PRKN: variants seen among roughly 807,000 people sequenced by gnomAD.
The protein encoded by PRKN is parkin RBR E3 ubiquitin protein ligase.
PRKN carries 56 observed loss-of-function variants against 59.5 expected under a neutral mutation model. That is an observed-to-expected ratio of 0.94 (90% CI 0.76 to 1.18). The LOEUF is 1.18. PRKN is among the 50% of genes most tolerant of loss of function. The probability of loss-of-function intolerance (pLI) is 0.00; values close to 1 mark genes in which losing one functional copy is unlikely to be tolerated. For synonymous variants in PRKN, 250 were observed against 222.1 expected, an observed-to-expected ratio of 1.13 and a Z score of -1.12; for missense variants, 657 against 596.4, an observed-to-expected ratio of 1.10 and a Z score of -1.06.
Position 161,459,945 on chromosome 6 carries a change from T to TA in PRKN, c.1084-73069dup, listed in dbSNP as rs60611124. On this transcript the variant is annotated intron_variant, in intron 9 of 11. Coordinates refer to ENST00000366898, the MANE Select transcript of PRKN (RefSeq NM_004562.3). The surrounding 1 kb of genome is among the most constrained non-coding windows in gnomAD (Gnocchi z 4.8). The stretch of plus-strand genomic sequence containing the variant: ...TAAGAAAATGGCTGTTGATATTTTG[T>TA]AAAAAAAAAAATCTATTTATCCATC... 0.016 allele frequency among the ~76,000 whole-genome samples: 2,400 copies of TA among 148,824 alleles called. 68 individuals carry two copies. The highest frequency in any genetic ancestry group is 0.054 in the African/African-American group (2,207 of 40,830).
chr6:162,391,599 T>C (rs569459880), intron 2 of PRKN, among the ~76,000 whole-genome samples: 2 of 152,258 alleles, frequency 1.3e-5, no homozygotes, highest in East Asian at 3.9e-4. Flanking sequence ...ATTTCGAACA[T>C]CTGCAATGAC....
intron 4 of PRKN, among the ~76,000 whole-genome samples, chr6:162,189,904 C>T (rs1266351857): frequency 8.6e-5 from 13 of 151,982 alleles, no homozygotes; most frequent in Admixed American, 8.5e-4. Context: ...CTACTGCTAG[C>T]TTTAAATTAT....
At chr6:162,529,160 C>A (rs1778406375) in intron 1 of PRKN, among the ~76,000 whole-genome samples, 1 of 152,154 alleles carries the variant, frequency 6.6e-6, no homozygotes, top group Non-Finnish European at 1.5e-5. Flanking sequence ...TGGCATGAGC[C>A]ACTGTGCCGG....
intron 6 of PRKN, among the ~76,000 whole-genome samples, chr6:161,832,954 C>G (rs996334027): frequency 6.6e-6 from 1 of 152,020 alleles, no homozygotes; most frequent in African/African-American, 2.4e-5. Context: ...GTGAGTGTCC[C>G]CCCATCCCCG....
intron 1 of PRKN, among the ~76,000 whole-genome samples, chr6:162,591,222 T>A (rs1781292962): frequency 6.7e-6 from 1 of 149,486 alleles, no homozygotes. Context: ...AATGATACTT[T>A]CTTTTTTTTT....
At chr6:161,751,555 T>A (rs904482974) in intron 7 of PRKN, among the ~76,000 whole-genome samples, 1 of 152,196 alleles carries the variant, frequency 6.6e-6, no homozygotes, top group Non-Finnish European at 1.5e-5. Context: ...AATTACACAA[T>A]CATAAAGTAA....
Position 161,549,672 on chromosome 6 carries a change from C to T in PRKN, c.934-669G>A, listed in dbSNP as rs978979209. 8.5e-5 allele frequency among the ~76,000 whole-genome samples: 13 copies of T among 152,178 alleles called. No homozygotes were observed. Among genetic ancestry groups the T allele is most frequent in the African/African-American group, 2.7e-4 (11 of 41,434 alleles). On this transcript the variant is annotated intron_variant, in intron 8 of 11. Transcript: ENST00000366898. This position sits in a 1 kb window ranked among gnomAD's most constrained non-coding sequence, Gnocchi z 6.0. ...GTTTCCCCAGCCTGCAAATAAATTC[C>T]AAACTCCATCAGACCATTTTCAAGG...
intron 7 of PRKN, among the ~76,000 whole-genome samples, chr6:161,763,720 T>A (rs1339315474): frequency 6.6e-6 from 1 of 152,114 alleles, no homozygotes; most frequent in African/African-American, 2.4e-5. Flanking sequence ...ATCACCCATA[T>A]TAAATTGATT....
intron 5 of PRKN, among the ~76,000 whole-genome samples, chr6:162,002,414 C>T (rs1782093524): frequency 6.6e-6 from 1 of 152,090 alleles, no homozygotes; most frequent in Admixed American, 6.6e-5. Context: ...ATTTCAGCTA[C>T]ATTATCAGAT....
chr6:162,192,965 T>TG (rs1281934194), intron 4 of PRKN, among the ~76,000 whole-genome samples: 1 of 152,140 alleles, frequency 6.6e-6, no homozygotes, highest in Non-Finnish European at 1.5e-5. Context: ...TTGGGGAACT[T>TG]GCGTCTGCAA....
At chr6:161,524,488 G>A (rs1418776699) in intron 9 of PRKN, among the ~76,000 whole-genome samples, 1 of 152,118 alleles carries the variant, frequency 6.6e-6, no homozygotes, top group Non-Finnish European at 1.5e-5. Context: ...TAGAACTACG[G>A]CTGCATGCCC....
At position 161,406,893 on chromosome 6, in the gene PRKN, T is replaced by G. The variant is rs927142469; in HGVS notation, c.1084-20016A>C. ...GCACCATCATTGATGGACTTGGAAA[T>G]GCAGACAGAACTGAAGAGGAGCGTC... is the stretch of plus-strand genomic sequence containing the variant. On this transcript the variant is annotated intron_variant, in intron 9 of 11. Coordinates refer to ENST00000366898, the MANE Select transcript of PRKN (RefSeq NM_004562.3). Among the ~76,000 whole-genome samples the G allele has an allele frequency of 2.0e-5, 3 of 152,144 alleles. No homozygotes were observed. In the East Asian group the frequency reaches 5.8e-4, roughly 29 times the overall value.
intron 7 of PRKN, among the ~76,000 whole-genome samples, chr6:161,750,857 A>G (rs1788662370): frequency 6.6e-6 from 1 of 152,082 alleles, no homozygotes; most frequent in South Asian, 2.1e-4. Flanking sequence ...TCATAGAGCA[A>G]GCAGATAAGG....
chr6:162,040,897 G>A (rs1180526810), intron 5 of PRKN, among the ~76,000 whole-genome samples: 1 of 151,794 alleles, frequency 6.6e-6, no homozygotes, highest in Non-Finnish European at 1.5e-5. Context: ...GGGCAGGAGG[G>A]AAAGTCATGC....
Position 161,544,294 on chromosome 6 carries a change from T to C in PRKN, c.1083+4560A>G, listed in dbSNP as rs1304347301. ...TGGATCCCTGAACATAGTGTTATTTTGGTTTTCTGAATTATATACTATGTG... is the reference window on the plus strand; with the variant it reads ...TGGATCCCTGAACATAGTGTTATTTCGGTTTTCTGAATTATATACTATGTG... On this transcript the variant is annotated intron_variant, in intron 9 of 11. Transcript: ENST00000366898. The surrounding 1 kb of genome is among the most constrained non-coding windows in gnomAD (Gnocchi z 5.5). Among the ~76,000 whole-genome samples the C allele has an allele frequency of 6.6e-6, 1 of 152,216 alleles. No individual in the cohort carries two copies. Among genetic ancestry groups the C allele is most frequent in the Admixed American group, 6.5e-5 (1 of 15,276 alleles).
Position 161,578,733 on chromosome 6 carries a change from C to T in PRKN, c.872-9317G>A, listed in dbSNP as rs1293416680. On this transcript the variant is annotated intron_variant, in intron 7 of 11. Coordinates refer to ENST00000366898, the MANE Select transcript of PRKN (RefSeq NM_004562.3). This position sits in a 1 kb window ranked among gnomAD's most constrained non-coding sequence, Gnocchi z 4.2. ...TCAGCGCTGCTCTGCAATAGATTTT[C>T]TGTGGTCATTTGGGAGGTTTGAGAC... Among the ~76,000 whole-genome samples, 1 of 152,208 alleles carries T rather than the reference C, an allele frequency of 6.6e-6. No homozygotes were observed. The highest frequency in any genetic ancestry group is 1.5e-5 in the Non-Finnish European group (1 of 68,036).
chr6:162,213,953 T>G (rs1175036843), intron 3 of PRKN, among the ~76,000 whole-genome samples: 1 of 151,808 alleles, frequency 6.6e-6, no homozygotes, highest in East Asian at 1.9e-4. Flanking sequence ...TGATCCTGTG[T>G]TCTATCCAGA....
chr6:161,400,259 T>A lies in PRKN; in HGVS notation c.1084-13382A>T, dbSNP rs1786966388. Among the ~76,000 whole-genome samples, 1 of 151,684 alleles carries A rather than the reference T, an allele frequency of 6.6e-6. No homozygotes were observed. Among genetic ancestry groups the A allele is most frequent in the Non-Finnish European group, 1.5e-5 (1 of 67,978 alleles). On this transcript the variant is annotated intron_variant, in intron 9 of 11. Transcript: ENST00000366898. This position sits in a 1 kb window ranked among gnomAD's most constrained non-coding sequence, Gnocchi z 4.2. ...ACACCTCCAATATTTTAGAAGAAAG[T>A]AGGATGAGGTGAGCTGGGGACATGG... is the stretch of plus-strand genomic sequence containing the variant.
rs369964491 is a variant in PRKN at position 162,431,443 on chromosome 6, T to A, written c.171+11867A>T. Among the ~76,000 whole-genome samples the A allele has an allele frequency of 5.4e-4, 82 of 152,198 alleles. 3 individuals carry two copies. In the South Asian group the frequency reaches 0.016, roughly 30 times the overall value. ...CACTATATGTAAAACTATTTATAGG[T>A]CAGGAGGCTGAGGCAGGAGAATTGC... On this transcript the variant is annotated intron_variant, in intron 2 of 11. Coordinates refer to ENST00000366898, the MANE Select transcript of PRKN (RefSeq NM_004562.3).
Sources: allele counts gnomAD v4.1 joint callset (sites outside exome capture counted in the v4.1 genomes callset), GRCh38; gene constraint gnomAD v4.1.1; non-coding constraint Gnocchi (gnomAD v3.1); transcripts MANE v1.5; gene names NCBI Gene and HGNC (gene_info 2026-07-23, HGNC 2026-07-21).